Variants in GRIA3 observed in about 807,000 individuals in gnomAD.
The protein encoded by GRIA3 is glutamate receptor 3.
In GRIA3, 3 loss-of-function variants were observed where a neutral mutation model predicts 63.0. That is an observed-to-expected ratio of 0.05 (90% CI 0.02 to 0.12). The LOEUF (loss-of-function observed/expected upper bound fraction) is 0.12. GRIA3 is among the 10% of genes least tolerant of loss of function. The probability of loss-of-function intolerance (pLI) is 1.00; values close to 1 mark genes in which losing one functional copy is unlikely to be tolerated. For missense variants in GRIA3, 347 were observed against 700.9 expected (o/e 0.50, Z 5.70); for synonymous variants, 274 against 257.9 (o/e 1.06, Z -0.60).
In GRIA3 at chrX:123,338,017, C is replaced by G. The variant is rs891659499; in HGVS notation, c.696+11804C>G. On this transcript the variant is annotated intron_variant, in intron 4 of 15. Transcript: ENST00000620443. Reference sequence around the variant, plus strand: ...ACAACATAATCCTTCAAACTCTGACCGAAGCCCCTTCACCATTTGGTGTCC... The same window carrying G: ...ACAACATAATCCTTCAAACTCTGACGGAAGCCCCTTCACCATTTGGTGTCC... Among the ~76,000 whole-genome samples the G allele has an allele frequency of 3.6e-5, 4 of 111,850 alleles. No homozygotes were observed. In the Admixed American group the frequency reaches 3.8e-4, roughly 11 times the overall value.
intron 10 of GRIA3, among the ~76,000 whole-genome samples, chrX:123,416,820 T>C (rs754970633): frequency 4.4e-5 from 5 of 112,729 alleles, no homozygotes; most frequent in African/African-American, 1.6e-4. Context: ...CAGTGATACA[T>C]ACAAAAATAG....
chrX:123,305,991 G>C (rs1004932543), intron 3 of GRIA3, among the ~76,000 whole-genome samples: 1 of 111,547 alleles, frequency 9.0e-6, no homozygotes, highest in Middle Eastern at 4.6e-3. Flanking sequence ...ATTCTGTTAG[G>C]AGTCATTGAC....
intron 3 of GRIA3, among the ~76,000 whole-genome samples, chrX:123,277,174 T>C (rs929786725): frequency 9.0e-6 from 1 of 110,817 alleles, no homozygotes; most frequent in Non-Finnish European, 1.9e-5. Flanking sequence ...GTACATGAGA[T>C]GTTTTGATAC....
At chrX:123,367,835 A>G in intron 5 of GRIA3, among the ~76,000 whole-genome samples, 1 of 112,178 alleles carries the variant, frequency 8.9e-6, no homozygotes, top group Non-Finnish European at 1.9e-5. Flanking sequence ...AAAAGTCAGA[A>G]CAAACTAAAA....
chrX:123,465,604 C>A (rs1447346445), intron 13 of GRIA3: 4 of 851,225 alleles, frequency 4.7e-6, no homozygotes, highest in Non-Finnish European at 7.0e-6. Context: ...CTCTTGTGCT[C>A]CTTTTTATAC....
chrX:123,434,613 G>A (rs1378407616), intron 12 of GRIA3, among the ~76,000 whole-genome samples: 2 of 111,574 alleles, frequency 1.8e-5, no homozygotes. Context: ...TACACAGCAA[G>A]AGCCATAGAC....
chrX:123,201,686 T>C (rs1306365965), intron 2 of GRIA3, among the ~76,000 whole-genome samples: 4 of 101,822 alleles, frequency 3.9e-5, no homozygotes, highest in Non-Finnish European at 8.4e-5. Flanking sequence ...TCCTTGTTTG[T>C]TGACCTTCAT....
intron 3 of GRIA3, among the ~76,000 whole-genome samples, chrX:123,305,274 T>C (rs1303639539): frequency 8.9e-6 from 1 of 111,738 alleles, no homozygotes; most frequent in African/African-American, 3.3e-5. Context: ...CTCATGATTC[T>C]AACTACTGGA....
At chrX:123,372,861 CTTTA>C (rs1299458630) in intron 5 of GRIA3, among the ~76,000 whole-genome samples, 1 of 109,293 alleles carries the variant, frequency 9.1e-6, no homozygotes, top group African/African-American at 3.3e-5. Flanking sequence ...TTTGGATGGT[CTTTA>C]TTTCTTTTTT....
chrX:123,338,305 C>T (rs1026504981), intron 4 of GRIA3, among the ~76,000 whole-genome samples: 2 of 111,634 alleles, frequency 1.8e-5, no homozygotes, highest in African/African-American at 3.3e-5. Context: ...AGTCAGAGAA[C>T]GATTTTCACT....
At chrX:123,458,385 G>A (rs1192816905) in intron 12 of GRIA3, among the ~76,000 whole-genome samples, 1 of 109,479 alleles carries the variant, frequency 9.1e-6, no homozygotes, top group African/African-American at 3.3e-5. Flanking sequence ...ACAGAAGTAG[G>A]ATTGGAGAGG....
chrX:123,298,517 C>T (rs2044700250), intron 3 of GRIA3, among the ~76,000 whole-genome samples: 1 of 111,714 alleles, frequency 9.0e-6, no homozygotes, highest in Non-Finnish European at 1.9e-5. Flanking sequence ...TTATTGACTG[C>T]ATGTATGTCT....
chrX:123,404,887 C>T lies in GRIA3; in HGVS notation c.1473C>T (p.Asn491=), dbSNP rs139327479. The change falls in exon 10 of 16, where the codon AAC becomes AAT. Residue 491 remains asparagine (N), a synonymous_variant. Transcript: ENST00000620443. ...GGGATCCAGAGACTAAAATATGGAACGGCATGGTTGGGGAACTTGTCTATG... is the reference window on the plus strand; with the variant it reads ...GGGATCCAGAGACTAAAATATGGAATGGCATGGTTGGGGAACTTGTCTATG... ...GARDPETKIW[N]GMVGELVYGR... is the part of the protein sequence containing the mutation. The T allele has an allele frequency of 1.3e-5, 16 of 1,203,642 alleles. No individual in the cohort carries two copies. The highest frequency in any genetic ancestry group is 8.8e-5 in the African/African-American group (5 of 57,118).
At chrX:123,317,506 C>A (rs980858755) in intron 3 of GRIA3, among the ~76,000 whole-genome samples, 2 of 112,125 alleles carry the variant, frequency 1.8e-5, no homozygotes, top group African/African-American at 6.5e-5. Context: ...TTTGTAAATA[C>A]AGCCATTCCA....
At chrX:123,350,385 GA>G (rs763938446) in intron 4 of GRIA3, among the ~76,000 whole-genome samples, 1 of 110,684 alleles carries the variant, frequency 9.0e-6, no homozygotes, top group African/African-American at 3.3e-5. Flanking sequence ...ATCTAAGGGG[GA>G]AAAAAACATA....
chrX:123,432,245 T>G (rs1023401959), intron 12 of GRIA3, among the ~76,000 whole-genome samples: 1 of 112,060 alleles, frequency 8.9e-6, no homozygotes, highest in African/African-American at 3.2e-5. Context: ...TAAGGAAAAC[T>G]CTACCCCACA....
chrX:123,328,258 C>G (rs765363156), intron 4 of GRIA3, among the ~76,000 whole-genome samples: 1 of 111,513 alleles, frequency 9.0e-6, no homozygotes, highest in South Asian at 3.8e-4. Context: ...GGTATAATTG[C>G]TTTAAAAAGC....
chrX:123,234,895 G>A (rs960267504), intron 2 of GRIA3, among the ~76,000 whole-genome samples: 6 of 111,352 alleles, frequency 5.4e-5, no homozygotes, highest in African/African-American at 1.3e-4. Context: ...TATGCATTGA[G>A]GGCCAGGATA....
Position 123,389,588 on chromosome X carries a change from C to T in GRIA3, c.751-5380C>T, listed in dbSNP as rs188804479. The stretch of plus-strand genomic sequence containing the variant: ...GTCTTTTTCCATCCCTTTACTTTGA[C>T]CCTATATGTACATTTACATCTGAGG... On this transcript the variant is annotated intron_variant, in intron 5 of 15. Transcript: ENST00000620443. Among the ~76,000 whole-genome samples, 5 of 111,433 alleles carry T rather than the reference C, an allele frequency of 4.5e-5. No individual in the cohort carries two copies. The East Asian group carries it at 1.4e-3, about 31-fold the overall frequency.
Sources: allele counts gnomAD v4.1 joint callset (sites outside exome capture counted in the v4.1 genomes callset), GRCh38; gene constraint gnomAD v4.1.1; transcripts MANE v1.5; gene names NCBI Gene and HGNC (gene_info 2026-07-23, HGNC 2026-07-21).